RAB35: variants seen among roughly 807,000 people sequenced by gnomAD.
RAB35 encodes the protein RAB35, member RAS oncogene family.
In RAB35, 4 loss-of-function variants were observed where a neutral mutation model predicts 28.9. The observed-to-expected ratio is 0.14, with a 90% CI of 0.07 to 0.32. RAB35 has a LOEUF of 0.32. Ranked by LOEUF, RAB35 falls within the 10% of genes least tolerant of loss-of-function variation. RAB35 has a pLI of 1.00. For missense variants in RAB35, 128 were observed against 274.0 expected (o/e 0.47, Z 3.76); for synonymous variants, 99 against 105.1 (o/e 0.94, Z 0.35).
intron 1 of RAB35, among the ~76,000 whole-genome samples, chr12:120,113,749 T>C (rs1401362466): frequency 1.4e-5 from 2 of 138,288 alleles, no homozygotes; most frequent in Admixed American, 1.5e-4. Context: ...ACCGGGGAGG[T>C]GGAGCCGGCA....
chr12:120,108,320 CA>C (rs1473868848), intron 2 of RAB35, 96 bp downstream of exon 2: 2 of 1,278,726 alleles, frequency 1.6e-6, no homozygotes, highest in Non-Finnish European at 1.1e-6. Context: ...AGACAGTTCC[CA>C]ACATCAGGCA....
At chr12:120,112,670 T>A (rs938837576) in intron 1 of RAB35, among the ~76,000 whole-genome samples, 2 of 150,368 alleles carry the variant, frequency 1.3e-5, no homozygotes, top group Non-Finnish European at 3.0e-5. Context: ...GCTCAAGTGA[T>A]CCTCCACCTC....
At chr12:120,101,456 G>A (rs554925827) in intron 3 of RAB35, among the ~76,000 whole-genome samples, 41 of 152,184 alleles carry the variant, frequency 2.7e-4, no homozygotes, top group Non-Finnish European at 3.4e-4. Context: ...GCAAGAACCC[G>A]AGAAGGGGTG....
At chr12:120,112,927 G>A (rs1246061002) in intron 1 of RAB35, among the ~76,000 whole-genome samples, 1 of 138,988 alleles carries the variant, frequency 7.2e-6, no homozygotes, top group Non-Finnish European at 1.5e-5. Flanking sequence ...TCTCGCTCTT[G>A]TCCCCCAGGC....
chr12:120,104,032 G>A, intron 2 of RAB35, 83 bp from the exon 3 acceptor site: 3 of 1,546,250 alleles, frequency 1.9e-6, no homozygotes, highest in Non-Finnish European at 2.6e-6. Flanking sequence ...CACACCCCCA[G>A]GCTCCCCCAC....
At chr12:120,107,530 C>T (rs1021791993) in intron 2 of RAB35, among the ~76,000 whole-genome samples, 2 of 152,090 alleles carry the variant, frequency 1.3e-5, no homozygotes, top group Non-Finnish European at 2.9e-5. Flanking sequence ...AGTGCATACA[C>T]CCTGTAAGCC....
intron 1 of RAB35, among the ~76,000 whole-genome samples, chr12:120,112,890 G>C (rs1277897790): frequency 7.1e-6 from 1 of 141,690 alleles, no homozygotes; most frequent in African/African-American, 2.9e-5. Flanking sequence ...ACGCCCAACT[G>C]ATTTTTTTTT....
intron 5 of RAB35, among the ~76,000 whole-genome samples, chr12:120,098,491 C>T (rs1566281786): frequency 6.6e-6 from 1 of 152,258 alleles, no homozygotes; most frequent in Non-Finnish European, 1.5e-5. Flanking sequence ...AGGCAGAGGA[C>T]TGGAGTGGAA....
At chr12:120,110,632 G>A (rs1383918319) in intron 1 of RAB35, among the ~76,000 whole-genome samples, 2 of 152,164 alleles carry the variant, frequency 1.3e-5, no homozygotes, top group Non-Finnish European at 2.9e-5. Context: ...GAAAACCACT[G>A]TCGCAGTTGT....
intron 3 of RAB35, among the ~76,000 whole-genome samples, chr12:120,102,263 G>T: frequency 6.6e-6 from 1 of 152,322 alleles, no homozygotes; most frequent in Non-Finnish European, 1.5e-5. Context: ...AAATCCTAGC[G>T]ACAGGACCAA....
chr12:120,114,843 T>C (rs1020011104), intron 1 of RAB35, among the ~76,000 whole-genome samples: 3 of 152,202 alleles, frequency 2.0e-5, no homozygotes, highest in African/African-American at 7.2e-5. Context: ...CTTTTCACTG[T>C]TGGATATCAA....
At chr12:120,116,110 G>A (rs1876321835) in intron 1 of RAB35, among the ~76,000 whole-genome samples, 1 of 152,170 alleles carries the variant, frequency 6.6e-6, no homozygotes, top group African/African-American at 2.4e-5. Flanking sequence ...GGATACTGAT[G>A]ATAATGACAA....
At chr12:120,108,801 A>G (rs1875996103) in intron 1 of RAB35, 1 of 464,030 alleles carries the variant, frequency 2.2e-6, no homozygotes, top group East Asian at 5.0e-5. Context: ...AAGGTCAACC[A>G]CACGAAACGG....
In RAB35 at chr12:120,103,804, G is replaced by A. The variant is rs1875756843; in HGVS notation, c.227+22C>T. ...CACAGGTCAGTGGCGCGGGTTGGGT[G>A]GGAGTGGGCGTGTGGACTCACGTGG... On this transcript the variant is annotated intron_variant, in intron 3 of 5. Coordinates refer to ENST00000229340, the MANE Select transcript of RAB35 (RefSeq NM_006861.7). The surrounding 1 kb of genome is among the most constrained non-coding windows in gnomAD (Gnocchi z 6.1). 1 of 1,612,826 alleles carries A rather than the reference G, an allele frequency of 6.2e-7. No homozygotes were observed. The highest frequency in any genetic ancestry group is 1.3e-5 in the African/African-American group (1 of 74,902).
chr12:120,096,456 T>C lies in RAB35; in HGVS notation c.*789A>G. The C allele has an allele frequency of 7.8e-7, 1 of 1,289,842 alleles. No individual in the cohort carries two copies. Among genetic ancestry groups the C allele is most frequent in the African/African-American group, 1.5e-5 (1 of 66,000 alleles). 79.9% of individuals were successfully genotyped at this position (1,289,842 alleles called of 1,614,324 possible). A position where few individuals can be genotyped will look rare whatever the true frequency, so the allele number is the denominator to read the frequency against. The stretch of plus-strand genomic sequence containing the variant: ...ATAGCCCCCCTGCCAGCCCCATCTC[T>C]GCACGAACCTACCCCGACCTTTCTG... On this transcript the variant is annotated 3_prime_UTR_variant, in exon 6 of 6. Coordinates refer to ENST00000229340, the MANE Select transcript of RAB35 (RefSeq NM_006861.7).
intron 3 of RAB35, among the ~76,000 whole-genome samples, chr12:120,101,032 G>T (rs1875637608): frequency 6.6e-6 from 1 of 152,208 alleles, no homozygotes. Flanking sequence ...CGGCTCCCTG[G>T]GCGCCTCTGC....
intron 1 of RAB35, among the ~76,000 whole-genome samples, chr12:120,112,256 G>A (rs1876149653): frequency 6.6e-6 from 1 of 151,984 alleles, no homozygotes; most frequent in African/African-American, 2.4e-5. Context: ...GGGATTATAG[G>A]AGTGAGCTAC....
Position 120,097,013 on chromosome 12 carries a change from C to A in RAB35, c.*232G>T. 2.0e-6 allele frequency: 3 copies of A among 1,507,968 alleles called. No homozygotes were observed. Among genetic ancestry groups the A allele is most frequent in the Non-Finnish European group, 2.7e-6 (3 of 1,129,416 alleles). The allele number at this position is 1,507,968 out of a possible 1,614,324, so 93.4% of individuals were successfully genotyped here. A position where few individuals can be genotyped will look rare whatever the true frequency, so the allele number is the denominator to read the frequency against. On this transcript the variant is annotated 3_prime_UTR_variant, in exon 6 of 6. Transcript: ENST00000229340. ...GGGCAGCGTCCTCGCCAGGTCCAGG[C>A]GCCTTGGCCGGGGAGGAGGGGGCAC...
chr12:120,096,719 G>C lies in RAB35; in HGVS notation c.*526C>G, dbSNP rs1594235042. On this transcript the variant is annotated 3_prime_UTR_variant, in exon 6 of 6. Transcript: ENST00000229340. ...GGCCCCGGAGAAGGGGCAAGACCCT[G>C]TGCAGCGGGGACAGAGGCTGACAAC... 1 of 1,289,976 alleles carries C rather than the reference G, an allele frequency of 7.8e-7. No individual in the cohort carries two copies. The highest frequency in any genetic ancestry group is 1.5e-5 in the African/African-American group (1 of 66,012). The allele number at this position is 1,289,976 out of a possible 1,614,324, so 79.9% of individuals were successfully genotyped here.
Sources: allele counts gnomAD v4.1 joint callset (sites outside exome capture counted in the v4.1 genomes callset), GRCh38; gene constraint gnomAD v4.1.1; non-coding constraint Gnocchi (gnomAD v3.1); transcripts MANE v1.5; gene names NCBI Gene and HGNC (gene_info 2026-07-23, HGNC 2026-07-21).